TMEFF2: variants seen among roughly 807,000 people sequenced by gnomAD.
The protein encoded by TMEFF2 is transmembrane protein with EGF like and two follistatin like domains 2.
In TMEFF2, 28 loss-of-function variants were observed where a neutral mutation model predicts 53.8. That is an observed-to-expected ratio of 0.52 (90% CI 0.39 to 0.71). The LOEUF (loss-of-function observed/expected upper bound fraction) is 0.71, where lower values mean the gene tolerates loss of function less well. Ranked by LOEUF, TMEFF2 falls within the 30% of genes least tolerant of loss-of-function variation. TMEFF2 has a pLI of 0.00. For missense variants in TMEFF2, 353 were observed against 455.2 expected (o/e 0.78, Z 2.04); for synonymous variants, 162 against 166.3 (o/e 0.97, Z 0.20).
intron 7 of TMEFF2, among the ~76,000 whole-genome samples, chr2:191,988,955 C>T (rs763363190): frequency 6.6e-6 from 1 of 152,120 alleles, no homozygotes; most frequent in Non-Finnish European, 1.5e-5. Flanking sequence ...ACAACGTCAC[C>T]ATAAAAAGCA....
intron 4 of TMEFF2, among the ~76,000 whole-genome samples, chr2:192,134,617 C>T (rs967007599): frequency 6.6e-6 from 1 of 152,158 alleles, no homozygotes; most frequent in Admixed American, 6.5e-5. Flanking sequence ...ACTTCAAGCT[C>T]GAAGCTTTGC....
At chr2:192,189,675 G>C (rs1691414247) in intron 2 of TMEFF2, among the ~76,000 whole-genome samples, 1 of 151,572 alleles carries the variant, frequency 6.6e-6, no homozygotes. Flanking sequence ...TCAGATACTA[G>C]GGCTAAAATA....
At chr2:191,951,171 G>A (rs1574236711) in intron 9 of TMEFF2, among the ~76,000 whole-genome samples, 1 of 151,968 alleles carries the variant, frequency 6.6e-6, no homozygotes, top group African/African-American at 2.4e-5. Flanking sequence ...ATGTATGTGT[G>A]TGTGTGTATG....
chr2:192,194,571 C>G lies in TMEFF2; in HGVS notation c.-47G>C. On this transcript the variant is annotated 5_prime_UTR_variant, in exon 1 of 10. Transcript: ENST00000272771. The surrounding 1 kb of genome is among the most constrained non-coding windows in gnomAD (Gnocchi z 4.2). Reference sequence around the variant, plus strand: ...AGCAGCAAACGGCTTCCGAGGAACACAGGATCGCGGGGGCCGGGCAGCGGG... The same window carrying G: ...AGCAGCAAACGGCTTCCGAGGAACAGAGGATCGCGGGGGCCGGGCAGCGGG... The G allele has an allele frequency of 1.3e-6, 2 of 1,589,444 alleles. No homozygotes were observed. The highest frequency in any genetic ancestry group is 1.7e-6 in the Non-Finnish European group (2 of 1,163,796).
intron 4 of TMEFF2, among the ~76,000 whole-genome samples, chr2:192,132,349 TA>T (rs1306424350): frequency 6.6e-6 from 1 of 151,904 alleles, no homozygotes; most frequent in African/African-American, 2.4e-5. Context: ...TCATCAAATA[TA>T]AAAACCCAGC....
intron 7 of TMEFF2, among the ~76,000 whole-genome samples, chr2:191,977,020 T>A (rs969422451): frequency 1.3e-5 from 2 of 152,200 alleles, no homozygotes; most frequent in Non-Finnish European, 2.9e-5. Flanking sequence ...GTTTTAAATG[T>A]GAAGTCTTTG....
intron 7 of TMEFF2, among the ~76,000 whole-genome samples, chr2:191,984,534 G>A (rs897749695): frequency 1.3e-5 from 2 of 152,080 alleles, no homozygotes; most frequent in East Asian, 3.9e-4. Flanking sequence ...GGAACGATGG[G>A]GTAACATGCT....
chr2:192,117,520 TC>T (rs2105962149), intron 4 of TMEFF2, among the ~76,000 whole-genome samples: 1 of 152,218 alleles, frequency 6.6e-6, no homozygotes, highest in South Asian at 2.1e-4. Flanking sequence ...ATTTTTTGTT[TC>T]TGAGGAAGGA....
intron 4 of TMEFF2, among the ~76,000 whole-genome samples, chr2:192,104,698 AT>A (rs111392692): frequency 1.5e-4 from 22 of 151,048 alleles, no homozygotes; most frequent in African/African-American, 5.1e-4. Context: ...TCATTTCATC[AT>A]TTTTTTTTCC....
intron 5 of TMEFF2, among the ~76,000 whole-genome samples, chr2:192,038,301 C>CT (rs1243631775): frequency 6.6e-6 from 1 of 152,048 alleles, no homozygotes; most frequent in Non-Finnish European, 1.5e-5. Flanking sequence ...ACCTTTGTAC[C>CT]TCAAGTTCAT....
In TMEFF2 at chr2:191,995,735, C is replaced by T. The variant is rs1056097753; in HGVS notation, c.745+2527G>A. Among the ~76,000 whole-genome samples, 3 of 152,032 alleles carry T rather than the reference C, an allele frequency of 2.0e-5. No homozygotes were observed. In the South Asian group the frequency reaches 6.2e-4, roughly 32 times the overall value. On this transcript the variant is annotated intron_variant, in intron 7 of 9. Transcript: ENST00000272771. ...ATTCTAATGAAACCATTAATGAAGA[C>T]AAATATATCTAAAATTTCTTGAGAA... is the stretch of plus-strand genomic sequence containing the variant.
intron 4 of TMEFF2, among the ~76,000 whole-genome samples, chr2:192,081,803 T>C (rs1052177943): frequency 7.0e-6 from 1 of 143,300 alleles, no homozygotes; most frequent in African/African-American, 2.8e-5. Flanking sequence ...GATTTCCCTT[T>C]TTTTTTTTTT....
chr2:191,980,919 C>T (rs975586579), intron 7 of TMEFF2, among the ~76,000 whole-genome samples: 2 of 152,042 alleles, frequency 1.3e-5, no homozygotes, highest in Non-Finnish European at 2.9e-5. Context: ...AATCTGGTAA[C>T]CTTTTATCTC....
chr2:192,019,083 A>T (rs1574295150), intron 5 of TMEFF2, among the ~76,000 whole-genome samples: 1 of 152,216 alleles, frequency 6.6e-6, no homozygotes, highest in Admixed American at 6.5e-5. Flanking sequence ...TAAAACGAAT[A>T]AATAAAAGTA....
At chr2:192,048,079 T>C (rs1687666800) in intron 5 of TMEFF2, among the ~76,000 whole-genome samples, 1 of 152,122 alleles carries the variant, frequency 6.6e-6, no homozygotes, top group Non-Finnish European at 1.5e-5. Context: ...ACAAGAAAAA[T>C]GTTTAACACA....
chr2:191,950,341 A>G lies in TMEFF2; in HGVS notation c.1095T>C (p.Asn365=). ...TTAACCTCGTGGACGCTCTTGTTGTATTGTCTGAACTGTAGTGCCCTGTAT... is the reference window on the plus strand; with the variant it reads ...TTAACCTCGTGGACGCTCTTGTTGTGTTGTCTGAACTGTAGTGCCCTGTAT... ...KQNTGHYSSD[N]TTRASTRLI Residue 365 remains asparagine, a synonymous_variant, in exon 10 of 10, where the codon AAT becomes AAC. Transcript: ENST00000272771. 3 of 1,613,466 alleles carry G rather than the reference A, an allele frequency of 1.9e-6. No homozygotes were observed. The highest frequency in any genetic ancestry group is 2.5e-6 in the Non-Finnish European group (3 of 1,179,790).
chr2:192,117,759 G>T (rs1018222617), intron 4 of TMEFF2, among the ~76,000 whole-genome samples: 1 of 151,810 alleles, frequency 6.6e-6, no homozygotes, highest in Admixed American at 6.6e-5. Context: ...GTCTTCATTT[G>T]CATAGAAGTA....
At chr2:192,043,246 A>T (rs754996605) in intron 5 of TMEFF2, among the ~76,000 whole-genome samples, 1 of 152,194 alleles carries the variant, frequency 6.6e-6, no homozygotes, top group African/African-American at 2.4e-5. Context: ...GTTCTTAAAC[A>T]AAAGTCTAGC....
chr2:192,086,109 T>C (rs565624083), intron 4 of TMEFF2, among the ~76,000 whole-genome samples: 1 of 152,186 alleles, frequency 6.6e-6, no homozygotes, highest in African/African-American at 2.4e-5. Flanking sequence ...TCTTCGGCCA[T>C]TAATGATATT....
Sources: allele counts gnomAD v4.1 joint callset (sites outside exome capture counted in the v4.1 genomes callset), GRCh38; gene constraint gnomAD v4.1.1; non-coding constraint Gnocchi (gnomAD v3.1); transcripts MANE v1.5; gene names NCBI Gene and HGNC (gene_info 2026-07-23, HGNC 2026-07-21).